EXD3: variants seen among roughly 807,000 people sequenced by gnomAD.
EXD3 encodes the protein exonuclease 3'-5' domain containing 3.
Under a neutral mutation model 98.0 loss-of-function variants are expected in EXD3, and 92 were observed. That is an observed-to-expected ratio of 0.94 (90% CI 0.79 to 1.12). The LOEUF (loss-of-function observed/expected upper bound fraction) is 1.12, where lower values mean the gene tolerates loss of function less well. Among genes scored for constraint, EXD3 ranks in the 50% most tolerant of loss-of-function variants. The pLI, the probability that EXD3 is intolerant of heterozygous loss-of-function variation, is 0.00. For synonymous variants in EXD3, 569 were observed against 526.0 expected (o/e 1.08, Z -1.12); for missense variants, 1,222 against 1,191.6 (o/e 1.03, Z -0.38).
rs954642318 is a variant in EXD3, at chr9:137,365,973, C to A, written c.656+520G>T. On this transcript the variant is annotated intron_variant, in intron 7 of 21. Transcript: ENST00000340951. Reference sequence around the variant, plus strand: ...CACACGCACATATCACGTGCACACACAGAGACACACACATGCACACCTGCA... The same window carrying A: ...CACACGCACATATCACGTGCACACAAAGAGACACACACATGCACACCTGCA... 3 of 533,568 alleles carry A rather than the reference C, an allele frequency of 5.6e-6. No individual in the cohort carries two copies. The African/African-American group carries it at 5.7e-5, about 10-fold the overall frequency. The allele number at this position is 533,568 out of a possible 1,614,324, so 33.1% of individuals were successfully genotyped here.
intron 1 of EXD3, among the ~76,000 whole-genome samples, chr9:137,416,961 G>A (rs1260809838): frequency 1.3e-5 from 2 of 152,224 alleles, no homozygotes; most frequent in Admixed American, 6.5e-5. Flanking sequence ...CCCGACAGAC[G>A]CGGCCAGAAC....
In EXD3 at chr9:137,361,208, G is replaced by A. The variant is rs1033180596; in HGVS notation, c.657-4840C>T. Among the ~76,000 whole-genome samples the A allele has an allele frequency of 4.6e-5, 4 of 87,122 alleles. 2 individuals are homozygous for A. Among genetic ancestry groups the A allele is most frequent in the Non-Finnish European group, 1.1e-4 (4 of 35,244 alleles). The allele number at this position is 87,122 out of a possible 152,430, so 57.2% of individuals were successfully genotyped here. A position where few individuals can be genotyped will look rare whatever the true frequency, so the allele number is the denominator to read the frequency against. On this transcript the variant is annotated intron_variant, in intron 7 of 21. Coordinates refer to ENST00000340951, the MANE Select transcript of EXD3 (RefSeq NM_017820.5). ...TTCCCTGAGTTCGCAGAGAAGAGAT[G>A]CCCAGAAAAAGAGCTGTGGAGCTCT...
chr9:137,368,120 C>T, intron 5 of EXD3, 131 bp from the exon 6 acceptor site: 1 of 735,850 alleles, frequency 1.4e-6, no homozygotes. Flanking sequence ...TTCCCGTGTT[C>T]AGCCACGTGG....
chr9:137,409,935 A>G lies in EXD3; in HGVS notation c.-48+13179T>C, dbSNP rs1837914841. Among the ~76,000 whole-genome samples the G allele has an allele frequency of 2.6e-5, 4 of 151,924 alleles. No individual in the cohort carries two copies. In the South Asian group the frequency reaches 8.3e-4, roughly 32 times the overall value. On this transcript the variant is annotated intron_variant, in intron 1 of 21. Transcript: ENST00000340951. ...CTCACGCCCGTAATCCCAGCACTTT[A>G]GGAGGCTGAGGCGGACGGATCACAA... is the stretch of plus-strand genomic sequence containing the variant.
chr9:137,404,118 T>C (rs1192254400), intron 1 of EXD3, among the ~76,000 whole-genome samples: 1 of 152,192 alleles, frequency 6.6e-6, no homozygotes, highest in African/African-American at 2.4e-5. Context: ...TCTCCCCTTC[T>C]TGTGGTGACA....
At position 137,369,217 on chromosome 9, in the gene EXD3, G is replaced by C. The variant is rs561136572; in HGVS notation, c.463-1228C>G. 3.7e-3 allele frequency among the ~76,000 whole-genome samples: 561 copies of C among 151,964 alleles called. 17 individuals carry two copies. Among genetic ancestry groups the C allele is most frequent in the Admixed American group, 0.032 (487 of 15,278 alleles). ...GCACGGGGCCACCACATGGGGAGGGGCGCAGGGCCTGGGAGGTGGGCTTAC... is the reference window on the plus strand; with the variant it reads ...GCACGGGGCCACCACATGGGGAGGGCCGCAGGGCCTGGGAGGTGGGCTTAC... On this transcript the variant is annotated intron_variant, in intron 5 of 21. Transcript: ENST00000340951.
intron 19 of EXD3, among the ~76,000 whole-genome samples, chr9:137,318,610 T>C (rs1831847003): frequency 6.6e-6 from 1 of 151,990 alleles, no homozygotes; most frequent in African/African-American, 2.4e-5. Context: ...ACTGGGAACG[T>C]TCCCCACCCC....
rs1454595013 is a variant in EXD3, at chr9:137,307,511, T to G, written c.2317+97A>C. The G allele has an allele frequency of 4.0e-6, 6 of 1,488,984 alleles. No individual in the cohort carries two copies. The East Asian group carries it at 1.2e-4, about 30-fold the overall frequency. 92.2% of individuals were successfully genotyped at this position (1,488,984 alleles called of 1,614,324 possible). A position where few individuals can be genotyped will look rare whatever the true frequency, so the allele number is the denominator to read the frequency against. ...TACAGGAGCCCCACAGAGCCCCCTCTGCCCGGCCGGGACCCAAGTCCCCCA... is the reference window on the plus strand; with the variant it reads ...TACAGGAGCCCCACAGAGCCCCCTCGGCCCGGCCGGGACCCAAGTCCCCCA... On this transcript the variant is annotated intron_variant, in intron 21 of 21. Coordinates refer to ENST00000340951, the MANE Select transcript of EXD3 (RefSeq NM_017820.5).
At position 137,357,709 on chromosome 9, in the gene EXD3, C is replaced by CAT. The variant is rs536514830; in HGVS notation, c.657-1343_657-1342dup. On this transcript the variant is annotated intron_variant, in intron 7 of 21. Coordinates refer to ENST00000340951, the MANE Select transcript of EXD3 (RefSeq NM_017820.5). Reference sequence around the variant, plus strand: ...GGACAGAACTCATAGGATATATATACATATATATATTATATACAGGATATA... The same window carrying CAT: ...GGACAGAACTCATAGGATATATATACATATATATATATTATATACAGGATATA... Among the ~76,000 whole-genome samples, 669 of 143,390 alleles carry CAT rather than the reference C, an allele frequency of 4.7e-3. 5 individuals carry two copies. Among genetic ancestry groups the CAT allele is most frequent in the African/African-American group, 0.017 (651 of 39,194 alleles). 94.1% of individuals were successfully genotyped at this position (143,390 alleles called of 152,430 possible).
chr9:137,396,020 T>A lies in EXD3; in HGVS notation c.-47-616A>T, dbSNP rs888446036. 8.0e-5 allele frequency among the ~76,000 whole-genome samples: 12 copies of A among 149,882 alleles called. No homozygotes were observed. In the East Asian group the frequency reaches 2.4e-3, roughly 29 times the overall value. Reference sequence around the variant, plus strand: ...TCTCTCTGCAATGCCCAGGCTGGAGTGCAGTGGGGCCATCTCAGCTCACTG... The same window carrying A: ...TCTCTCTGCAATGCCCAGGCTGGAGAGCAGTGGGGCCATCTCAGCTCACTG... On this transcript the variant is annotated intron_variant, in intron 1 of 21. Transcript: ENST00000340951.
At chr9:137,384,419 T>C (rs1836481310) in intron 2 of EXD3, among the ~76,000 whole-genome samples, 2 of 152,312 alleles carry the variant, frequency 1.3e-5, no homozygotes, top group African/African-American at 4.8e-5. Flanking sequence ...TGTTCTAAAA[T>C]TCAGTTCAGC....
chr9:137,326,192 C>T (rs1328083687), intron 17 of EXD3, among the ~76,000 whole-genome samples: 1 of 152,040 alleles, frequency 6.6e-6, no homozygotes, highest in African/African-American at 2.4e-5. Flanking sequence ...AAAAGAAACA[C>T]TGGAGCGACT....
chr9:137,369,796 C>G (rs1278223720), intron 5 of EXD3, among the ~76,000 whole-genome samples: 1 of 152,226 alleles, frequency 6.6e-6, no homozygotes, highest in Non-Finnish European at 1.5e-5. Context: ...GCGACCCCGT[C>G]AGAGGCAGTT....
Position 137,349,186 on chromosome 9 carries a change from G to T in EXD3, c.1754C>A (p.Pro585His). The T allele has an allele frequency of 6.3e-7, 1 of 1,590,194 alleles. No individual in the cohort carries two copies. ...LSEDLAGSRR[P>H]RHRERPGARK... is the part of the protein sequence containing the mutation. ...TGCCCCTGGTCTCTCTCTGTGCCTGGGCCTCCGGCTCCCAGCCAGGTCCTC... is the reference window on the plus strand; with the variant it reads ...TGCCCCTGGTCTCTCTCTGTGCCTGTGCCTCCGGCTCCCAGCCAGGTCCTC... The change falls in exon 16 of 22, where the codon CCC (proline) becomes CAC (histidine). Residue 585 changes from proline to histidine, a missense_variant. Physicochemically the swap from Pro to His is moderately conservative, Grantham distance 77. Coordinates refer to ENST00000340951, the MANE Select transcript of EXD3 (RefSeq NM_017820.5). This position sits in a 1 kb window ranked among gnomAD's most constrained non-coding sequence, Gnocchi z 7.4.
intron 17 of EXD3, among the ~76,000 whole-genome samples, chr9:137,325,422 T>A (rs1237259491): frequency 6.6e-6 from 1 of 151,992 alleles, no homozygotes; most frequent in African/African-American, 2.4e-5. Context: ...AATGGTTCCT[T>A]AAAATCATCA....
rs143312119 is a variant in EXD3 at position 137,373,038 on chromosome 9, G to T, written c.329C>A (p.Ala110Glu). Residue 110 changes from alanine to glutamate, a missense_variant, in exon 5 of 22, where the codon GCG (alanine) becomes GAG (glutamate). Physicochemically the swap from Ala to Glu is moderately radical, Grantham distance 107. Transcript: ENST00000340951. ...GGGGCTCTCAGTGAGGACTTTGACC[G>T]CTCGGGCCTGCAGCTGCTTCAGCCT... ...SLRLKQLQAR[A>E]VKVLTESPPS... 1 of 1,597,956 alleles carries T rather than the reference G, an allele frequency of 6.3e-7. No individual in the cohort carries two copies. Among genetic ancestry groups the T allele is most frequent in the East Asian group, 2.2e-5 (1 of 44,790 alleles).
intron 17 of EXD3, among the ~76,000 whole-genome samples, chr9:137,328,902 CTACACA>C (rs1350201797): frequency 1.5e-5 from 1 of 67,220 alleles, no homozygotes; most frequent in Non-Finnish European, 2.7e-5. Context: ...CTACACGGGA[CTACACA>C]GGGTCACACG....
At chr9:137,390,662 C>G (rs965887414) in intron 2 of EXD3, among the ~76,000 whole-genome samples, 38 of 152,102 alleles carry the variant, frequency 2.5e-4, no homozygotes, top group African/African-American at 8.0e-4. Flanking sequence ...TGTGGAAGGG[C>G]GTTTTCACGG....
chr9:137,332,673 C>G (rs1564484400), intron 17 of EXD3, among the ~76,000 whole-genome samples: 2 of 151,676 alleles, frequency 1.3e-5, no homozygotes, highest in Admixed American at 6.6e-5. Flanking sequence ...GAAACCCCGT[C>G]TCTACTAAAA....
Sources: gnomAD v4.1 joint callset for allele counts (sites outside exome capture counted in the v4.1 genomes callset) on GRCh38, gnomAD v4.1.1 for gene constraint, Gnocchi (gnomAD v3.1) non-coding constraint, MANE v1.5 for transcripts, NCBI Gene and HGNC (gene_info 2026-07-23, HGNC 2026-07-21) for gene names.